The following PDE5A variants were observed in gnomAD, a reference collection of about 807,000 sequenced individuals.
PDE5A encodes cGMP-specific 3',5'-cyclic phosphodiesterase.
In PDE5A, 67 loss-of-function variants were observed where a neutral mutation model predicts 110.2. The observed-to-expected ratio is 0.61, with a 90% CI of 0.50 to 0.75. The LOEUF (loss-of-function observed/expected upper bound fraction) is 0.75, where lower values mean the gene tolerates loss of function less well. Among genes scored for constraint, PDE5A ranks in the 30% least tolerant of loss-of-function variants. The probability of loss-of-function intolerance (pLI) is 0.00; values close to 1 mark genes in which losing one functional copy is unlikely to be tolerated. For missense variants in PDE5A, 862 were observed against 1,045.1 expected, an observed-to-expected ratio of 0.82 and a Z score of 2.42; for synonymous variants, 328 against 351.2, an observed-to-expected ratio of 0.93 and a Z score of 0.74.
rs1426429488 is a variant in PDE5A, at chr4:119,627,332, C to G, written c.152+1188G>C. On this transcript the variant is annotated intron_variant, in intron 1 of 20. Coordinates refer to ENST00000354960, the MANE Select transcript of PDE5A (RefSeq NM_001083.4). The surrounding 1 kb of genome is among the most constrained non-coding windows in gnomAD (Gnocchi z 4.6). ...CTCCGCGCCGCCGCCCGTCGCCTCC[C>G]GCTCGCCCCGCGCTGCGCCGCCCCC... The G allele has an allele frequency of 2.7e-6, 3 of 1,125,226 alleles. No homozygotes were observed. Among genetic ancestry groups the G allele is most frequent in the Non-Finnish European group, 1.1e-6 (1 of 914,182 alleles). 69.7% of individuals were successfully genotyped at this position (1,125,226 alleles called of 1,614,324 possible). A position where few individuals can be genotyped will look rare whatever the true frequency, so the allele number is the denominator to read the frequency against.
At chr4:119,510,244 A>G (rs1725690746) in intron 15 of PDE5A, among the ~76,000 whole-genome samples, 1 of 152,094 alleles carries the variant, frequency 6.6e-6, no homozygotes, top group African/African-American at 2.4e-5. Flanking sequence ...GCTTTTACTT[A>G]TAAAATAGTG....
intron 2 of PDE5A, among the ~76,000 whole-genome samples, chr4:119,600,609 C>G (rs560581649): frequency 1.6e-3 from 241 of 152,072 alleles, no homozygotes; most frequent in African/African-American, 5.5e-3. Context: ...AAGGACATAA[C>G]AAAAAGGACT....
rs577749626 is a variant in PDE5A, at chr4:119,523,160, G to T, written c.1780-2100C>A. ...AGATATTCTTAAGTCAGGCTCTGAA[G>T]AAGAGAAATGTTTGTTGTGGTAGAG... On this transcript the variant is annotated intron_variant, in intron 12 of 20. Coordinates refer to ENST00000354960, the MANE Select transcript of PDE5A (RefSeq NM_001083.4). Among the ~76,000 whole-genome samples, 6 of 152,058 alleles carry T rather than the reference G, an allele frequency of 3.9e-5. No homozygotes were observed. The South Asian group carries it at 1.2e-3, about 32-fold the overall frequency.
At chr4:119,605,140 T>C (rs1041350355) in intron 2 of PDE5A, among the ~76,000 whole-genome samples, 1 of 152,148 alleles carries the variant, frequency 6.6e-6, no homozygotes, top group Non-Finnish European at 1.5e-5. Flanking sequence ...AAACCAAATA[T>C]ATATTCCTCA....
chr4:119,499,363 A>G (rs1023013461), intron 20 of PDE5A, among the ~76,000 whole-genome samples: 1 of 152,214 alleles, frequency 6.6e-6, no homozygotes, highest in Non-Finnish European at 1.5e-5. Context: ...CATTTGATAC[A>G]TAAAATATGG....
chr4:119,551,056 GCTT>G (rs1279444435), intron 9 of PDE5A, among the ~76,000 whole-genome samples: 1 of 152,096 alleles, frequency 6.6e-6, no homozygotes, highest in East Asian at 1.9e-4. Flanking sequence ...TTTCTAAGCG[GCTT>G]TAATGCACAA....
In PDE5A at chr4:119,562,818, A is replaced by G. The variant is rs1235131610; in HGVS notation, c.1131+15T>C. The G allele has an allele frequency of 1.3e-6, 2 of 1,515,032 alleles. No homozygotes were observed. The allele number at this position is 1,515,032 out of a possible 1,614,324, so 93.8% of individuals were successfully genotyped here. A position where few individuals can be genotyped will look rare whatever the true frequency, so the allele number is the denominator to read the frequency against. On this transcript the variant is annotated intron_variant, in intron 6 of 20. Coordinates refer to ENST00000354960, the MANE Select transcript of PDE5A (RefSeq NM_001083.4). Reference sequence around the variant, plus strand: ...CTGTCTTTCTAAAAATAAAAAAGTCATACTCTGTACTCACGGAGCAATCTT... The same window carrying G: ...CTGTCTTTCTAAAAATAAAAAAGTCGTACTCTGTACTCACGGAGCAATCTT...
rs1418333750 is a variant in PDE5A, at chr4:119,495,537, G to A, written c.*3064C>T. On this transcript the variant is annotated 3_prime_UTR_variant, in exon 21 of 21. Coordinates refer to ENST00000354960, the MANE Select transcript of PDE5A (RefSeq NM_001083.4). ...AAAATTGTAGATCAAATTGGAACAGGTCTAATATTTATTTGCTATGCTGAA... is the reference window on the plus strand; with the variant it reads ...AAAATTGTAGATCAAATTGGAACAGATCTAATATTTATTTGCTATGCTGAA... The A allele has an allele frequency of 6.6e-6, 1 of 152,540 alleles. No homozygotes were observed. Among genetic ancestry groups the A allele is most frequent in the Non-Finnish European group, 1.5e-5 (1 of 68,034 alleles). 9.4% of individuals were successfully genotyped at this position (152,540 alleles called of 1,614,324 possible). A position where few individuals can be genotyped will look rare whatever the true frequency, so the allele number is the denominator to read the frequency against.
intron 3 of PDE5A, among the ~76,000 whole-genome samples, chr4:119,587,753 T>A (rs1049315984): frequency 1.3e-5 from 2 of 152,234 alleles, no homozygotes; most frequent in African/African-American, 4.8e-5. Context: ...GATCAACTGG[T>A]AGTCTGCTAT....
rs539941909 is a variant in PDE5A, at chr4:119,498,260, C to G, written c.*341G>C. 5.7e-6 allele frequency: 1 copy of G among 175,800 alleles called. No homozygotes were observed. Among genetic ancestry groups the G allele is most frequent in the Non-Finnish European group, 1.2e-5 (1 of 83,942 alleles). The allele number at this position is 175,800 out of a possible 1,614,324, so 10.9% of individuals were successfully genotyped here. ...AATGGTAATTCAGAAAACACAAAAA[C>G]CAATTATTTAAAATAATCCCCAAGC... is the stretch of plus-strand genomic sequence containing the variant. On this transcript the variant is annotated 3_prime_UTR_variant, in exon 21 of 21. Coordinates refer to ENST00000354960, the MANE Select transcript of PDE5A (RefSeq NM_001083.4).
chr4:119,512,167 A>G (rs915616792), intron 14 of PDE5A, among the ~76,000 whole-genome samples: 2 of 152,102 alleles, frequency 1.3e-5, no homozygotes, highest in African/African-American at 4.8e-5. Context: ...AATGTGGGGG[A>G]AAAAATGGGT....
Position 119,606,948 on chromosome 4 carries a change from A to G in PDE5A, c.502T>C (p.Leu168=). 1 of 1,614,240 alleles carries G rather than the reference A, an allele frequency of 6.2e-7. No homozygotes were observed. ...DISSHLDVTA[L]CHKIFLHIHG... Reference sequence around the variant, plus strand: ...ATATGCAAGAAAATTTTGTGACATAAGGCTGTGACATCCAAATGACTAGAA... The same window carrying G: ...ATATGCAAGAAAATTTTGTGACATAGGGCTGTGACATCCAAATGACTAGAA... The change falls in exon 2 of 21, where the codon TTA becomes CTA. Residue 168 remains leucine (L), a synonymous_variant. Transcript: ENST00000354960.
chr4:119,516,670 A>G (rs13149407), intron 14 of PDE5A, among the ~76,000 whole-genome samples: 39,954 of 151,920 alleles, frequency 0.26, 5,381 homozygotes, highest in East Asian at 0.38. Context: ...CCAGGCTGGC[A>G]TCAGTGGCGA....
At chr4:119,571,954 A>C (rs1419764146) in intron 3 of PDE5A, among the ~76,000 whole-genome samples, 1 of 152,236 alleles carries the variant, frequency 6.6e-6, no homozygotes, top group Non-Finnish European at 1.5e-5. Context: ...ACCCATCTAC[A>C]GAATAAAAAT....
At chr4:119,587,341 TACAGGTGCATGCC>T (rs1217535244) in intron 3 of PDE5A, among the ~76,000 whole-genome samples, 1 of 151,806 alleles carries the variant, frequency 6.6e-6, no homozygotes, top group African/African-American at 2.4e-5. Flanking sequence ...TAGCTGGGAT[TACAGGTGCATGCC>T]ACCACACCCG....
intron 1 of PDE5A, among the ~76,000 whole-genome samples, chr4:119,614,090 C>A (rs1729849737): frequency 6.6e-6 from 1 of 151,678 alleles, no homozygotes; most frequent in Non-Finnish European, 1.5e-5. Context: ...CATAAAAGGA[C>A]CACACACTGT....
chr4:119,499,822 G>A (rs1725230112), intron 20 of PDE5A: 1 of 152,162 alleles, frequency 6.6e-6, no homozygotes, highest in Non-Finnish European at 1.5e-5. Flanking sequence ...CTCCCAAAGT[G>A]CTGGGATTAC....
At chr4:119,517,321 G>T (rs928779167) in intron 14 of PDE5A, among the ~76,000 whole-genome samples, 6 of 151,840 alleles carry the variant, frequency 4.0e-5, no homozygotes, top group African/African-American at 1.5e-4. Context: ...CTTTACATGG[G>T]AATATTTATG....
rs866198935 is a variant in PDE5A at position 119,565,382 on chromosome 4, C to T, written c.932G>A (p.Gly311Asp). The T allele has an allele frequency of 8.1e-6, 13 of 1,611,814 alleles. No individual in the cohort carries two copies. Among genetic ancestry groups the T allele is most frequent in the Non-Finnish European group, 1.1e-5 (13 of 1,178,570 alleles). ...KDFAAYLAFC[G>D]IVLHNAQLYE... ...GAGCTGAGCATTATGAAGAACAATACCACAAAATGCCAAATAAGCAGCAAA... is the reference window on the plus strand; with the variant it reads ...GAGCTGAGCATTATGAAGAACAATATCACAAAATGCCAAATAAGCAGCAAA... The change falls in exon 5 of 21, where the codon GGT becomes GAT. Residue 311 changes from glycine (G) to aspartate (D), a missense_variant. Transcript: ENST00000354960.
Sources: allele counts gnomAD v4.1 joint callset (sites outside exome capture counted in the v4.1 genomes callset), GRCh38; gene constraint gnomAD v4.1.1; non-coding constraint Gnocchi (gnomAD v3.1); transcripts MANE v1.5; gene names NCBI Gene and HGNC (gene_info 2026-07-23, HGNC 2026-07-21).